The following PLS1 variants were observed in gnomAD, a reference collection of about 807,000 sequenced individuals.
PLS1 encodes plastin-1.
Under a neutral mutation model 73.7 loss-of-function variants are expected in PLS1, and 32 were observed. The ratio of observed to expected loss-of-function variants is 0.43; its 90% CI spans 0.33 to 0.58. PLS1 has a LOEUF of 0.58. Ranked by LOEUF, PLS1 falls within the 20% of genes least tolerant of loss-of-function variation. The pLI is 0.04. For synonymous variants in PLS1, 217 were observed against 261.3 expected, an observed-to-expected ratio of 0.83 and a Z score of 1.63; for missense variants, 633 against 740.5, an observed-to-expected ratio of 0.85 and a Z score of 1.68.
chr3:142,623,409 T>C (rs2036354352), intron 1 of PLS1: 1 of 152,218 alleles, frequency 6.6e-6, no homozygotes, highest in African/African-American at 2.4e-5. Flanking sequence ...TCTGTAGTAA[T>C]AGGCAGAACA....
chr3:142,682,114 A>T (rs2037868251), intron 6 of PLS1, among the ~76,000 whole-genome samples: 1 of 152,152 alleles, frequency 6.6e-6, no homozygotes, highest in African/African-American at 2.4e-5. Flanking sequence ...ATTGTGGTTT[A>T]GGGCAGGTCT....
chr3:142,670,517 C>A (rs192233390), intron 3 of PLS1, among the ~76,000 whole-genome samples: 95 of 152,310 alleles, frequency 6.2e-4, no homozygotes, highest in African/African-American at 2.3e-3. Context: ...GCAAGCAGAA[C>A]TGATTGAATT....
At chr3:142,669,083 A>G (rs1021120469) in intron 2 of PLS1, among the ~76,000 whole-genome samples, 7 of 152,076 alleles carry the variant, frequency 4.6e-5, no homozygotes, top group African/African-American at 9.7e-5. Flanking sequence ...GTCTCACTCT[A>G]TTGCCTAAGT....
chr3:142,665,579 A>C (rs1250118113), intron 2 of PLS1, among the ~76,000 whole-genome samples: 1 of 152,218 alleles, frequency 6.6e-6, no homozygotes, highest in African/African-American at 2.4e-5. Context: ...AAACAGAGGA[A>C]GTAATAAAAA....
At chr3:142,610,782 C>T (rs7627437) in intron 1 of PLS1, among the ~76,000 whole-genome samples, 1 of 152,130 alleles carries the variant, frequency 6.6e-6, no homozygotes, top group East Asian at 1.9e-4. Context: ...GTTGTTTGAG[C>T]ACAACTATCT....
At chr3:142,647,020 T>C (rs1012702101) in intron 1 of PLS1, among the ~76,000 whole-genome samples, 3 of 152,140 alleles carry the variant, frequency 2.0e-5, no homozygotes, top group Non-Finnish European at 2.9e-5. Context: ...TTTTGACCTA[T>C]TCGGGTGGAA....
At chr3:142,608,929 T>TA (rs1156910850) in intron 1 of PLS1, among the ~76,000 whole-genome samples, 4 of 152,244 alleles carry the variant, frequency 2.6e-5, no homozygotes, top group Non-Finnish European at 4.4e-5. Flanking sequence ...TGCCAGCAGT[T>TA]ACATTGCTCA....
At chr3:142,637,857 G>A (rs1247224827) in intron 1 of PLS1, among the ~76,000 whole-genome samples, 1 of 148,846 alleles carries the variant, frequency 6.7e-6, no homozygotes, top group Non-Finnish European at 1.5e-5. Flanking sequence ...AGGCCCCCCC[G>A]CCCCCTCTCT....
Position 142,694,470 on chromosome 3 carries a change from A to G in PLS1, c.1179A>G (p.Gly393=), listed in dbSNP as rs1472586536. 6 of 1,594,778 alleles carry G rather than the reference A, an allele frequency of 3.8e-6. No homozygotes were observed. The highest frequency in any genetic ancestry group is 5.2e-6 in the Non-Finnish European group (6 of 1,162,796). ...NNDIDMNLLE[G]ESKEERTFRN... is the part of the protein sequence containing the mutation. The stretch of plus-strand genomic sequence containing the variant: ...AGTGTGAGCTTGTGTCTACTCTAGG[A>G]GAGAGCAAGGAAGAGAGAACATTTC... Residue 393 remains glycine (G), a splice_region_variant and synonymous_variant, in exon 11 of 16, where the codon GGA becomes GGG. Transcript: ENST00000457734.
intron 1 of PLS1, among the ~76,000 whole-genome samples, chr3:142,615,175 G>T (rs1267726625): frequency 6.6e-6 from 1 of 152,184 alleles, no homozygotes; most frequent in Non-Finnish European, 1.5e-5. Flanking sequence ...AGCTGTTGAG[G>T]CAGCCAACAT....
chr3:142,685,224 T>C (rs750323768), intron 8 of PLS1, among the ~76,000 whole-genome samples: 2 of 152,208 alleles, frequency 1.3e-5, no homozygotes, highest in Non-Finnish European at 2.9e-5. Flanking sequence ...TATTCTGAAA[T>C]CTCTGAAAAT....
chr3:142,618,072 G>A (rs1198583751), intron 1 of PLS1, among the ~76,000 whole-genome samples: 2 of 152,198 alleles, frequency 1.3e-5, no homozygotes, highest in Non-Finnish European at 1.5e-5. Flanking sequence ...GAAGGGTTAA[G>A]ACAAAGGTAT....
At chr3:142,689,903 G>A in intron 10 of PLS1, 90 bp downstream of exon 10, 2 of 823,084 alleles carry the variant, frequency 2.4e-6, no homozygotes, top group Non-Finnish European at 3.7e-6. Context: ...GATTGTGGTG[G>A]GAAATGCAAT....
At chr3:142,659,277 G>A (rs1215197359) in intron 1 of PLS1, among the ~76,000 whole-genome samples, 1 of 152,136 alleles carries the variant, frequency 6.6e-6, no homozygotes, top group African/African-American at 2.4e-5. Context: ...ACCTGTGACA[G>A]GGCCACTGTG....
intron 1 of PLS1, among the ~76,000 whole-genome samples, chr3:142,626,635 A>T (rs1196487545): frequency 1.3e-5 from 2 of 152,164 alleles, no homozygotes; most frequent in Non-Finnish European, 2.9e-5. Flanking sequence ...GATAATTGTG[A>T]CTTTTTTGCC....
At chr3:142,649,191 G>C (rs2037024209) in intron 1 of PLS1, among the ~76,000 whole-genome samples, 1 of 151,890 alleles carries the variant, frequency 6.6e-6, no homozygotes, top group Non-Finnish European at 1.5e-5. Flanking sequence ...AAGTTAATAG[G>C]TACACAGGCT....
At chr3:142,632,856 T>C (rs1577806172) in intron 1 of PLS1, among the ~76,000 whole-genome samples, 1 of 152,140 alleles carries the variant, frequency 6.6e-6, no homozygotes, top group African/African-American at 2.4e-5. Flanking sequence ...GCCTTGGCCT[T>C]CCAAAGTGCT....
At chr3:142,700,300 C>CATT (rs559161976) in intron 12 of PLS1, among the ~76,000 whole-genome samples, 64 of 151,202 alleles carry the variant, frequency 4.2e-4, no homozygotes, top group East Asian at 3.9e-3. Flanking sequence ...CTTTCTTCTT[C>CATT]ATTATTATTA....
chr3:142,672,098 C>G (rs1199298221), intron 4 of PLS1, among the ~76,000 whole-genome samples: 1 of 152,122 alleles, frequency 6.6e-6, no homozygotes, highest in Non-Finnish European at 1.5e-5. Context: ...AATACACATT[C>G]AGCAAAGTGC....
Sources: allele counts gnomAD v4.1 joint callset (sites outside exome capture counted in the v4.1 genomes callset), GRCh38; gene constraint gnomAD v4.1.1; transcripts MANE v1.5; gene names NCBI Gene and HGNC (gene_info 2026-07-23, HGNC 2026-07-21).